The following RPS6KA1 variants were observed in gnomAD, a reference collection of about 807,000 sequenced individuals.
RPS6KA1 encodes ribosomal protein S6 kinase alpha-1.
Under a neutral mutation model 91.3 loss-of-function variants are expected in RPS6KA1, and 48 were observed. The observed-to-expected ratio is 0.53, with a 90% CI of 0.42 to 0.67. The LOEUF is 0.67. RPS6KA1 is among the 30% of genes least tolerant of loss of function. The probability of loss-of-function intolerance (pLI) is 0.00; values close to 1 mark genes in which losing one functional copy is unlikely to be tolerated. For missense variants in RPS6KA1, 719 were observed against 960.5 expected (o/e 0.75, Z 3.32); for synonymous variants, 359 against 384.7 (o/e 0.93, Z 0.78).
rs939491732 is a variant in RPS6KA1, at chr1:26,554,277, G to A, written c.613+26G>A. Reference sequence around the variant, plus strand: ...GTGAGTGGAGGGCGCCTGCCCCCTCGGGACCCAGGGGAGGACAGGACAAGG... The same window carrying A: ...GTGAGTGGAGGGCGCCTGCCCCCTCAGGACCCAGGGGAGGACAGGACAAGG... On this transcript the variant is annotated intron_variant, in intron 8 of 21. Transcript: ENST00000374168. This position sits in a 1 kb window ranked among gnomAD's most constrained non-coding sequence, Gnocchi z 4.6. 32 of 1,554,082 alleles carry A rather than the reference G, an allele frequency of 2.1e-5. No individual in the cohort carries two copies. The highest frequency in any genetic ancestry group is 1.7e-4 in the Middle Eastern group (1 of 5,962).
chr1:26,573,071 C>T lies in RPS6KA1; in HGVS notation c.1948-153C>T, dbSNP rs561672530. 2.1e-3 allele frequency among the ~76,000 whole-genome samples: 327 copies of T among 152,270 alleles called. 1 individual carries two copies. The highest frequency in any genetic ancestry group is 7.4e-3 in the African/African-American group (309 of 41,552). On this transcript the variant is annotated intron_variant, in intron 20 of 21. Transcript: ENST00000374168. ...CAGCGACAGGAACCTTGGCTGTGTG[C>T]GGGGAGCCCTGGAGCAGAGTGGAGA...
chr1:26,560,757 A>T lies in RPS6KA1; in HGVS notation c.1247A>T (p.Asp416Val). 1 of 1,614,176 alleles carries T rather than the reference A, an allele frequency of 6.2e-7. No individual in the cohort carries two copies. The highest frequency in any genetic ancestry group is 8.5e-7 in the Non-Finnish European group (1 of 1,180,026). Residue 416 changes from aspartate to valine, a missense_variant, in exon 15 of 22, where the codon GAC becomes GTC. Coordinates refer to ENST00000374168, the MANE Select transcript of RPS6KA1 (RefSeq NM_002953.4). ...CATGGGAAGAACCTGGTTTTTAGTG[A>T]CGGCTACGTGGTAAAGGAGACAATT... ...QLHGKNLVFS[D>V]GYVVKETIGV...
chr1:26,543,257 G>A, intron 2 of RPS6KA1: 1 of 1,462,728 alleles, frequency 6.8e-7, no homozygotes. Context: ...AGCGGTGTCT[G>A]TCACCATGAC....
chr1:26,555,135 T>C lies in RPS6KA1; in HGVS notation c.757-16T>C, dbSNP rs769475920. ...AGACAGGGATCAGAGCCTGAATAGA[T>C]CCTTGTCCTCTGCAGTTTGAGATGC... is the stretch of plus-strand genomic sequence containing the variant. On this transcript the variant is annotated splice_polypyrimidine_tract_variant and intron_variant, in intron 9 of 21. Coordinates refer to ENST00000374168, the MANE Select transcript of RPS6KA1 (RefSeq NM_002953.4). The surrounding 1 kb of genome is among the most constrained non-coding windows in gnomAD (Gnocchi z 4.3). The C allele has an allele frequency of 1.9e-6, 3 of 1,613,360 alleles. No homozygotes were observed.
Position 26,554,329 on chromosome 1 carries a change from G to A in RPS6KA1, c.613+78G>A. 1 of 1,432,362 alleles carries A rather than the reference G, an allele frequency of 7.0e-7. No individual in the cohort carries two copies. Among genetic ancestry groups the A allele is most frequent in the Non-Finnish European group, 9.5e-7 (1 of 1,050,646 alleles). 88.7% of individuals were successfully genotyped at this position (1,432,362 alleles called of 1,614,324 possible). A position where few individuals can be genotyped will look rare whatever the true frequency, so the allele number is the denominator to read the frequency against. On this transcript the variant is annotated intron_variant, in intron 8 of 21. Coordinates refer to ENST00000374168, the MANE Select transcript of RPS6KA1 (RefSeq NM_002953.4). This position sits in a 1 kb window ranked among gnomAD's most constrained non-coding sequence, Gnocchi z 4.6. ...CATGATAGGTCTCGGCTGAGTGCTG[G>A]GGGCTCATTCTTCCCGAGAAGCCGT...
chr1:26,531,598 G>C (rs2075867863), intron 1 of RPS6KA1, among the ~76,000 whole-genome samples: 1 of 152,320 alleles, frequency 6.6e-6, no homozygotes, highest in South Asian at 2.1e-4. Context: ...ACTCATCTCA[G>C]TTTTGAGTTC....
At chr1:26,556,840 C>A (rs768539687) in intron 12 of RPS6KA1, 122 bp downstream of exon 12, 45 of 1,302,364 alleles carry the variant, frequency 3.5e-5, no homozygotes, top group Non-Finnish European at 4.3e-5. Flanking sequence ...AGGGTCACAG[C>A]CTGCCCTTGA....
intron 2 of RPS6KA1, 151 bp from the exon 3 acceptor site, chr1:26,546,716 C>T (rs192619155): frequency 5.4e-5 from 33 of 608,098 alleles, no homozygotes; most frequent in Admixed American, 4.5e-4. Flanking sequence ...CTTTTGAAAT[C>T]GATGACCCTG....
chr1:26,554,617 C>T lies in RPS6KA1; in HGVS notation c.635C>T (p.Ala212Val). Residue 212 changes from alanine to valine, a missense_variant, in exon 9 of 22, where the codon GCC becomes GTC. This residue lies in a region of RPS6KA1 where 159 missense variants were observed against 264.5 expected (regional missense o/e 0.60). Coordinates refer to ENST00000374168, the MANE Select transcript of RPS6KA1 (RefSeq NM_002953.4). This position sits in a 1 kb window ranked among gnomAD's most constrained non-coding sequence, Gnocchi z 4.6. ...KLTDFGLSKE[A>V]IDHEKKAYSF... ...GTAGACTTTGGCCTGAGCAAAGAGGCCATTGACCACGAGAAGAAGGCCTAT... is the reference window on the plus strand; with the variant it reads ...GTAGACTTTGGCCTGAGCAAAGAGGTCATTGACCACGAGAAGAAGGCCTAT... 1 of 1,613,462 alleles carries T rather than the reference C, an allele frequency of 6.2e-7. No individual in the cohort carries two copies. Among genetic ancestry groups the T allele is most frequent in the Non-Finnish European group, 8.5e-7 (1 of 1,179,530 alleles).
intron 2 of RPS6KA1, among the ~76,000 whole-genome samples, chr1:26,545,122 G>C (rs1024132111): frequency 6.6e-6 from 1 of 151,694 alleles, no homozygotes; most frequent in Non-Finnish European, 1.5e-5. Context: ...CTGCCTGTTG[G>C]GTATGTGTTC....
At chr1:26,545,711 A>C in intron 2 of RPS6KA1, 1 of 750,346 alleles carries the variant, frequency 1.3e-6, no homozygotes, top group Non-Finnish European at 2.0e-6. Flanking sequence ...GGAGAGGGGG[A>C]GAGAGAGGAA....
At chr1:26,533,376 A>G (rs1451310599) in intron 1 of RPS6KA1, among the ~76,000 whole-genome samples, 8 of 152,070 alleles carry the variant, frequency 5.3e-5, no homozygotes, top group Admixed American at 5.2e-4. Context: ...GATTACAGAC[A>G]TGAGCCACTG....
intron 4 of RPS6KA1, among the ~76,000 whole-genome samples, chr1:26,550,215 A>G (rs1182697214): frequency 1.1e-5 from 1 of 90,112 alleles, no homozygotes; most frequent in Non-Finnish European, 2.1e-5. Context: ...GCAGAGTCTC[A>G]CTCTGTCACC....
intron 20 of RPS6KA1, 63 bp from the exon 21 acceptor site, chr1:26,573,161 G>A (rs2076264448): frequency 7.7e-6 from 12 of 1,555,574 alleles, no homozygotes; most frequent in Admixed American, 5.1e-5. Context: ...GCCCTCCTGT[G>A]CCCCATCAGG....
At position 26,551,859 on chromosome 1, in the gene RPS6KA1, G is replaced by T; in HGVS notation, c.468+136G>T. The stretch of plus-strand genomic sequence containing the variant: ...CACCCAGGCCTGCCTAGCAGCCCCT[G>T]GCCCAGGAAATACCACGCACCCTGG... On this transcript the variant is annotated intron_variant, in intron 6 of 21. Coordinates refer to ENST00000374168, the MANE Select transcript of RPS6KA1 (RefSeq NM_002953.4). This position sits in a 1 kb window ranked among gnomAD's most constrained non-coding sequence, Gnocchi z 4.5. 1 of 743,130 alleles carries T rather than the reference G, an allele frequency of 1.3e-6. No individual in the cohort carries two copies. 46.0% of individuals were successfully genotyped at this position (743,130 alleles called of 1,614,324 possible). A position where few individuals can be genotyped will look rare whatever the true frequency, so the allele number is the denominator to read the frequency against.
At chr1:26,530,017 G>A in intron 1 of RPS6KA1, 34 bp downstream of exon 1, 1 of 1,301,582 alleles carries the variant, frequency 7.7e-7, no homozygotes, top group Non-Finnish European at 9.8e-7. Flanking sequence ...GGCGCCCGCG[G>A]CCGGCGAGCC....
intron 17 of RPS6KA1, among the ~76,000 whole-genome samples, chr1:26,563,587 T>C (rs1221947349): frequency 2.0e-5 from 3 of 152,340 alleles, no homozygotes; most frequent in Non-Finnish European, 2.9e-5. Flanking sequence ...AAGGGTACAT[T>C]CTGATGAATT....
chr1:26,536,903 C>T (rs368827018), intron 1 of RPS6KA1, 22 bp from the exon 2 acceptor site: 48 of 1,613,756 alleles, frequency 3.0e-5, no homozygotes, highest in Non-Finnish European at 4.0e-5. Context: ...AGTGCTCCCC[C>T]AATCTCCTTT....
Position 26,554,604 on chromosome 1 carries a change from C to T in RPS6KA1, c.622C>T (p.Leu208=), listed in dbSNP as rs1476527068. 2.5e-6 allele frequency: 4 copies of T among 1,612,332 alleles called. No homozygotes were observed. Among genetic ancestry groups the T allele is most frequent in the Middle Eastern group, 1.7e-4 (1 of 6,050 alleles). The change falls in exon 9 of 22, where the codon CTG becomes TTG. Residue 208 remains leucine, a synonymous_variant. Transcript: ENST00000374168. The surrounding 1 kb of genome is among the most constrained non-coding windows in gnomAD (Gnocchi z 4.6). ...EGHIKLTDFG[L]SKEAIDHEKK... ...TGCCCTCCTTGCTGTAGACTTTGGC[C>T]TGAGCAAAGAGGCCATTGACCACGA...
Sources: allele counts gnomAD v4.1 joint callset (sites outside exome capture counted in the v4.1 genomes callset), GRCh38; gene constraint gnomAD v4.1.1; regional missense constraint gnomAD v4.1.1; non-coding constraint Gnocchi (gnomAD v3.1); transcripts MANE v1.5; gene names NCBI Gene and HGNC (gene_info 2026-07-23, HGNC 2026-07-21).